BTBD9: variants seen among roughly 807,000 people sequenced by gnomAD.
The protein encoded by BTBD9 is BTB/POZ domain-containing protein 9.
A neutral mutation model predicts 64.3 loss-of-function variants in BTBD9; 49 were observed. That is an observed-to-expected ratio of 0.76 (90% confidence interval 0.61 to 0.97). The LOEUF is 0.97. Among genes scored for constraint, BTBD9 ranks in the 50% least tolerant of loss-of-function variants. BTBD9 has a pLI of 0.00. For synonymous variants in BTBD9, 260 were observed against 274.7 expected (o/e 0.95, Z 0.53); for missense variants, 598 against 762.1 (o/e 0.78, Z 2.53).
chr6:38,199,589 T>C (rs1762387193), intron 9 of BTBD9, among the ~76,000 whole-genome samples: 1 of 152,246 alleles, frequency 6.6e-6, no homozygotes, highest in East Asian at 1.9e-4. Context: ...AAAACAGTGT[T>C]AAGTAGACTT....
intron 7 of BTBD9, among the ~76,000 whole-genome samples, chr6:38,336,342 G>A (rs1281246036): frequency 6.6e-6 from 1 of 152,122 alleles, no homozygotes; most frequent in Non-Finnish European, 1.5e-5. Flanking sequence ...AGAAATACCC[G>A]AGACTGAGTA....
At chr6:38,606,321 C>T (rs565702008) in intron 1 of BTBD9, among the ~76,000 whole-genome samples, 1 of 152,170 alleles carries the variant, frequency 6.6e-6, no homozygotes, top group East Asian at 1.9e-4. Context: ...TCAATCCTGT[C>T]CCTCTAGAGA....
intron 7 of BTBD9, among the ~76,000 whole-genome samples, chr6:38,325,033 T>C (rs557123415): frequency 1.3e-5 from 2 of 152,324 alleles, no homozygotes; most frequent in South Asian, 4.1e-4. Context: ...GTAAGGACTA[T>C]ATAAATTTGC....
intron 9 of BTBD9, among the ~76,000 whole-genome samples, chr6:38,210,046 T>A (rs901423959): frequency 5.9e-5 from 9 of 152,096 alleles, no homozygotes; most frequent in Non-Finnish European, 2.9e-5. Flanking sequence ...GGGGCGTCCA[T>A]GGCGGTTTGA....
In BTBD9 at chr6:38,564,509, A is replaced by G. The variant is rs144730192; in HGVS notation, c.1154+13091T>C. Among the ~76,000 whole-genome samples, 100 of 152,344 alleles carry G rather than the reference A, an allele frequency of 6.6e-4. 1 individual carries two copies. The highest frequency in any genetic ancestry group is 2.3e-3 in the African/African-American group (97 of 41,572). On this transcript the variant is annotated intron_variant, in intron 6 of 10. Transcript: ENST00000481247. ...GGAGATGAGAGAACATTTCAGAAAGAGGAACTGAGACCACATGTTTGGTAC... is the reference window on the plus strand; with the variant it reads ...GGAGATGAGAGAACATTTCAGAAAGGGGAACTGAGACCACATGTTTGGTAC...
At chr6:38,403,080 AGGGAAGGGGAG>A (rs1213544480) in intron 6 of BTBD9, among the ~76,000 whole-genome samples, 1 of 136,174 alleles carries the variant, frequency 7.3e-6, no homozygotes, top group Non-Finnish European at 1.6e-5. Flanking sequence ...AGGAGAGGGG[AGGGAAGGGGAG>A]GGGAAGGGAG....
chr6:38,523,813 G>A (rs916597756), intron 6 of BTBD9, among the ~76,000 whole-genome samples: 23 of 152,088 alleles, frequency 1.5e-4, no homozygotes, highest in Non-Finnish European at 3.2e-4. Flanking sequence ...TTTAACAGAT[G>A]GGGAAACAGA....
chr6:38,245,961 C>G (rs1167874921), intron 9 of BTBD9, among the ~76,000 whole-genome samples: 1 of 152,052 alleles, frequency 6.6e-6, no homozygotes, highest in African/African-American at 2.4e-5. Context: ...AATAACGTGG[C>G]TCCTGGGTTA....
intron 6 of BTBD9, among the ~76,000 whole-genome samples, chr6:38,361,203 A>G (rs1764941113): frequency 6.6e-6 from 1 of 152,230 alleles, no homozygotes. Context: ...GGTGGGGACT[A>G]TATTAGTCTG....
At chr6:38,445,128 G>A (rs529876739) in intron 6 of BTBD9, among the ~76,000 whole-genome samples, 14 of 152,242 alleles carry the variant, frequency 9.2e-5, no homozygotes, top group South Asian at 2.1e-4. Context: ...CTCTGTCAGC[G>A]TGGGTCCCTG....
At chr6:38,498,900 A>C (rs901801766) in intron 6 of BTBD9, among the ~76,000 whole-genome samples, 1 of 152,178 alleles carries the variant, frequency 6.6e-6, no homozygotes, top group Non-Finnish European at 1.5e-5. Context: ...CAGAACAAAG[A>C]CCTGTACAAT....
chr6:38,527,263 C>CAAAAAAAAAAAAAAAA lies in BTBD9; in HGVS notation c.1154+50321_1154+50336dup, dbSNP rs55979438. On this transcript the variant is annotated intron_variant, in intron 6 of 10. Transcript: ENST00000481247. ...TGCACTCCAGAGCGAGACTCTGTCT[C>CAAAAAAAAAAAAAAAA]AAAAAAAAAAAAAAAAAAAAAAAAA... is the stretch of plus-strand genomic sequence containing the variant. Among the ~76,000 whole-genome samples the CAAAAAAAAAAAAAAAA allele has an allele frequency of 2.4e-4, 13 of 53,340 alleles. 1 individual carries two copies. The highest frequency in any genetic ancestry group is 1.1e-3 in the African/African-American group (13 of 11,348). 35.0% of individuals were successfully genotyped at this position (53,340 alleles called of 152,430 possible). A position where few individuals can be genotyped will look rare whatever the true frequency, so the allele number is the denominator to read the frequency against.
intron 6 of BTBD9, among the ~76,000 whole-genome samples, chr6:38,562,493 G>A (rs1413025870): frequency 3.3e-5 from 5 of 151,918 alleles, no homozygotes; most frequent in Non-Finnish European, 7.4e-5. Context: ...AAAAATGATC[G>A]CATAGCCAAG....
intron 6 of BTBD9, among the ~76,000 whole-genome samples, chr6:38,406,877 A>G (rs2127250886): frequency 6.6e-6 from 1 of 152,322 alleles, no homozygotes; most frequent in African/African-American, 2.4e-5. Context: ...AGCTGGGACT[A>G]TAAGCGAGTG....
At chr6:38,512,217 C>A (rs148505808) in intron 6 of BTBD9, among the ~76,000 whole-genome samples, 4 of 152,006 alleles carry the variant, frequency 2.6e-5, no homozygotes, top group Admixed American at 6.6e-5. Flanking sequence ...AGGTGATCTG[C>A]CCGCCTCGGC....
At chr6:38,278,471 G>A (rs1415992853) in intron 8 of BTBD9, among the ~76,000 whole-genome samples, 5 of 152,180 alleles carry the variant, frequency 3.3e-5, no homozygotes, top group Admixed American at 3.3e-4. Flanking sequence ...AATCAAGGGT[G>A]GATTGAACCA....
intron 6 of BTBD9, among the ~76,000 whole-genome samples, chr6:38,369,708 T>C (rs904381988): frequency 6.6e-6 from 1 of 152,238 alleles, no homozygotes; most frequent in African/African-American, 2.4e-5. Context: ...ATTGGAGCTT[T>C]AGCTCTGCTG....
At chr6:38,236,565 C>T (rs1763783030) in intron 9 of BTBD9, among the ~76,000 whole-genome samples, 1 of 152,138 alleles carries the variant, frequency 6.6e-6, no homozygotes, top group Non-Finnish European at 1.5e-5. Context: ...TATAAAATTC[C>T]TAAGTAAAAG....
chr6:38,467,434 T>TC (rs1344822854), intron 6 of BTBD9, among the ~76,000 whole-genome samples: 3 of 151,986 alleles, frequency 2.0e-5, no homozygotes, highest in African/African-American at 7.3e-5. Context: ...AGAAATTACC[T>TC]CCCCCCATAT....
Sources: gnomAD v4.1 joint callset for allele counts (sites outside exome capture counted in the v4.1 genomes callset) on GRCh38, gnomAD v4.1.1 for gene constraint, MANE v1.5 for transcripts, NCBI Gene and HGNC (gene_info 2026-07-23, HGNC 2026-07-21) for gene names.